Variants in NTS observed in about 807,000 individuals in gnomAD.
NTS encodes neurotensin/neuromedin N.
In NTS, 20 loss-of-function variants were observed where a neutral mutation model predicts 19.5. The observed-to-expected ratio is 1.02, with a 90% CI of 0.72 to 1.49. The LOEUF is 1.49. Among genes scored for constraint, NTS ranks in the 40% most tolerant of loss-of-function variants. NTS has a pLI of 0.00. For missense variants in NTS, 215 were observed against 193.1 expected, an observed-to-expected ratio of 1.11 and a Z score of -0.67; for synonymous variants, 71 against 63.3, an observed-to-expected ratio of 1.12 and a Z score of -0.58.
chr12:85,875,163 T>G (rs56169451), intron 1 of NTS, among the ~76,000 whole-genome samples: 11,603 of 152,212 alleles, frequency 0.076, 599 homozygotes, highest in Middle Eastern at 0.21. Context: ...TGATGGAAAT[T>G]ATTTGACTTT....
chr12:85,876,310 A>G (rs2136589561), intron 1 of NTS, among the ~76,000 whole-genome samples: 1 of 152,052 alleles, frequency 6.6e-6, no homozygotes, highest in South Asian at 2.1e-4. Flanking sequence ...GTAAGAAATA[A>G]GCTACTCTAG....
chr12:85,874,548 T>C, intron 1 of NTS, 72 bp downstream of exon 1: 7 of 1,026,204 alleles, frequency 6.8e-6, no homozygotes, highest in South Asian at 3.9e-5. Flanking sequence ...TTGCTACTTA[T>C]GTTAATGTAT....
chr12:85,882,139 CAA>C (rs1413335415), intron 3 of NTS, 82 bp from the exon 4 acceptor site: 3 of 1,078,488 alleles, frequency 2.8e-6, no homozygotes, highest in Non-Finnish European at 4.1e-6. Flanking sequence ...GTCTTAACAG[CAA>C]ATGAGATAGA....
chr12:85,876,283 T>C lies in NTS; in HGVS notation c.74-357T>C, dbSNP rs532443842. On this transcript the variant is annotated intron_variant, in intron 1 of 3. Transcript: ENST00000256010. ...AATGTTAATATGCATATTTTCTATA[T>C]ATGTAAACTGTGGCTGGTAAGAAAT... Among the ~76,000 whole-genome samples, 12 of 152,078 alleles carry C rather than the reference T, an allele frequency of 7.9e-5. No homozygotes were observed. In the South Asian group the frequency reaches 2.5e-3, roughly 31 times the overall value.
At chr12:85,877,005 G>A (rs1881361294) in intron 2 of NTS, among the ~76,000 whole-genome samples, 2 of 152,030 alleles carry the variant, frequency 1.3e-5, no homozygotes, top group South Asian at 4.1e-4. Context: ...TGGGTATGAT[G>A]AAAGGTATAT....
At position 85,882,811 on chromosome 12, in the gene NTS, A is replaced by T. The variant is rs990704042; in HGVS notation, c.*436A>T. The stretch of plus-strand genomic sequence containing the variant: ...ATTGAAAGAAACATACGTTCTTTTC[A>T]AGACTTCCTCATGAATCTCTCAATT... On this transcript the variant is annotated 3_prime_UTR_variant, in exon 4 of 4. Coordinates refer to ENST00000256010, the MANE Select transcript of NTS (RefSeq NM_006183.5). 6.6e-6 allele frequency: 1 copy of T among 152,300 alleles called. No individual in the cohort carries two copies. The highest frequency in any genetic ancestry group is 1.5e-5 in the Non-Finnish European group (1 of 68,108). 9.4% of individuals were successfully genotyped at this position (152,300 alleles called of 1,614,324 possible).
intron 1 of NTS, among the ~76,000 whole-genome samples, chr12:85,875,505 A>C (rs1881321419): frequency 6.6e-6 from 1 of 152,088 alleles, no homozygotes; most frequent in Admixed American, 6.5e-5. Flanking sequence ...TTTATACAAA[A>C]TTTTAAATTT....
chr12:85,879,143 G>T (rs565163198), intron 3 of NTS, among the ~76,000 whole-genome samples: 1 of 120,020 alleles, frequency 8.3e-6, no homozygotes, highest in Non-Finnish European at 1.9e-5. Flanking sequence ...TTTTATGTAC[G>T]TAAAATATAT....
At chr12:85,879,745 T>C (rs1881457551) in intron 3 of NTS, among the ~76,000 whole-genome samples, 1 of 141,860 alleles carries the variant, frequency 7.0e-6, no homozygotes, top group Non-Finnish European at 1.5e-5. Context: ...GTATATAAAA[T>C]ATATTTTTTG....
intron 1 of NTS, 28 bp from the exon 2 acceptor site, chr12:85,876,612 T>C (rs1881351100): frequency 1.4e-6 from 2 of 1,433,912 alleles, no homozygotes; most frequent in Non-Finnish European, 1.9e-6. Flanking sequence ...TATGTAATTA[T>C]AGTAAACCTG....
At chr12:85,881,735 G>A (rs1881507695) in intron 3 of NTS, among the ~76,000 whole-genome samples, 1 of 152,108 alleles carries the variant, frequency 6.6e-6, no homozygotes, top group African/African-American at 2.4e-5. Flanking sequence ...TGGTTTTCAT[G>A]TCAAATCAGT....
intron 2 of NTS, 130 bp downstream of exon 2, chr12:85,876,831 GA>G (rs34324813): frequency 3.2e-4 from 134 of 420,818 alleles, no homozygotes; most frequent in South Asian, 8.1e-4. Context: ...TTTCCTTTTT[GA>G]AAAAAAAAAT....
intron 1 of NTS, among the ~76,000 whole-genome samples, chr12:85,874,735 A>G (rs1881300004): frequency 1.3e-5 from 2 of 152,206 alleles, no homozygotes; most frequent in Admixed American, 1.3e-4. Flanking sequence ...TTCAACAACT[A>G]GAGGGAAAAA....
intron 3 of NTS, among the ~76,000 whole-genome samples, chr12:85,880,827 C>G (rs1437981693): frequency 6.6e-6 from 1 of 152,090 alleles, no homozygotes; most frequent in East Asian, 1.9e-4. Context: ...TGGCCGGCGC[C>G]TGTAGTCCCA....
chr12:85,876,842 T>A (rs528687406), intron 2 of NTS, 141 bp downstream of exon 2: 21 of 415,590 alleles, frequency 5.1e-5, no homozygotes, highest in Middle Eastern at 4.5e-4. Flanking sequence ...AAAAAAAAAA[T>A]TTCTTTTAGT....
chr12:85,879,007 T>C (rs1388060630), intron 3 of NTS, among the ~76,000 whole-genome samples: 1 of 150,750 alleles, frequency 6.6e-6, no homozygotes, highest in African/African-American at 2.4e-5. Flanking sequence ...ATATTTGTAT[T>C]TAAATATATT....
chr12:85,879,264 G>A lies in NTS; in HGVS notation c.360+695G>A, dbSNP rs372649162. 2.6e-3 allele frequency among the ~76,000 whole-genome samples: 10 copies of A among 3,844 alleles called. 4 individuals are homozygous for A. Among genetic ancestry groups the A allele is most frequent in the Middle Eastern group, 0.5 (2 of 4 alleles). 2.5% of individuals were successfully genotyped at this position (3,844 alleles called of 152,430 possible). On this transcript the variant is annotated intron_variant, in intron 3 of 3. Transcript: ENST00000256010. The stretch of plus-strand genomic sequence containing the variant: ...TAAAATATATTATACATAATTTTAT[G>A]TATATTTTATGTATATACCATATAT...
intron 3 of NTS, among the ~76,000 whole-genome samples, chr12:85,878,812 T>G (rs578229147): frequency 7.9e-5 from 12 of 152,146 alleles, no homozygotes; most frequent in African/African-American, 2.9e-4. Flanking sequence ...GCAGATTTGA[T>G]CCACATGTTT....
intron 3 of NTS, among the ~76,000 whole-genome samples, 154 bp from the exon 4 acceptor site, chr12:85,882,069 T>A (rs1487627648): frequency 1.3e-5 from 2 of 151,776 alleles, no homozygotes; most frequent in Non-Finnish European, 2.9e-5. Flanking sequence ...CGTCTCTCCT[T>A]TGAAAAAACA....
Sources: gnomAD v4.1 joint callset for allele counts (sites outside exome capture counted in the v4.1 genomes callset) on GRCh38, gnomAD v4.1.1 for gene constraint, MANE v1.5 for transcripts, NCBI Gene and HGNC (gene_info 2026-07-23, HGNC 2026-07-21) for gene names.